JPH1: variants seen among roughly 807,000 people sequenced by gnomAD.
The protein encoded by JPH1 is junctophilin-1.
JPH1 carries 12 observed loss-of-function variants against 53.6 expected under a neutral mutation model. That is an observed-to-expected ratio of 0.22 (90% CI 0.14 to 0.36). JPH1 has a LOEUF of 0.36. Among genes scored for constraint, JPH1 ranks in the 10% least tolerant of loss-of-function variants. The pLI is 1.00. For synonymous variants in JPH1, 375 were observed against 363.8 expected (o/e 1.03, Z -0.35); for missense variants, 808 against 905.5 (o/e 0.89, Z 1.38).
At chr8:74,300,141 T>C (rs1356547150) in intron 2 of JPH1, among the ~76,000 whole-genome samples, 2 of 152,214 alleles carry the variant, frequency 1.3e-5, no homozygotes, top group Non-Finnish European at 2.9e-5. Flanking sequence ...CACAGTACCA[T>C]GAAAAACAAC....
chr8:74,244,478 G>T (rs749665612), intron 4 of JPH1, 51 bp downstream of exon 4: 1 of 1,539,326 alleles, frequency 6.5e-7, no homozygotes, highest in Admixed American at 2.0e-5. Flanking sequence ...ACAGCTCGCT[G>T]AAAGAAACAA....
At chr8:74,285,998 A>G (rs1807153949) in intron 2 of JPH1, among the ~76,000 whole-genome samples, 1 of 152,226 alleles carries the variant, frequency 6.6e-6, no homozygotes, top group South Asian at 2.1e-4. Context: ...TGTATCATTT[A>G]TGCAAAAAAT....
chr8:74,319,244 T>C (rs1016075606), intron 1 of JPH1, among the ~76,000 whole-genome samples: 5 of 152,180 alleles, frequency 3.3e-5, no homozygotes, highest in Admixed American at 2.0e-4. Context: ...AAGGAGACGA[T>C]TTTTAACCTT....
chr8:74,255,773 CA>C (rs977487905), intron 3 of JPH1, among the ~76,000 whole-genome samples: 48 of 152,142 alleles, frequency 3.2e-4, no homozygotes, highest in Non-Finnish European at 5.6e-4. Flanking sequence ...TTTATGCAGC[CA>C]AAAAACACAT....
At chr8:74,293,945 T>G (rs1185788048) in intron 2 of JPH1, among the ~76,000 whole-genome samples, 1 of 152,166 alleles carries the variant, frequency 6.6e-6, no homozygotes, top group African/African-American at 2.4e-5. Flanking sequence ...GCCCCTAGGT[T>G]GGGCATGGGG....
intron 4 of JPH1, among the ~76,000 whole-genome samples, chr8:74,244,042 GAGA>G (rs1334166720): frequency 1.3e-5 from 2 of 152,226 alleles, no homozygotes; most frequent in African/African-American, 2.4e-5. Context: ...ACGTATGTAT[GAGA>G]AGAATTCACA....
intron 3 of JPH1, among the ~76,000 whole-genome samples, chr8:74,251,150 C>G (rs549985333): frequency 8.5e-5 from 13 of 152,302 alleles, no homozygotes; most frequent in Non-Finnish European, 1.8e-4. Flanking sequence ...ATAATAGAAA[C>G]GTCCTTGCCA....
chr8:74,272,918 G>C (rs1302903914), intron 2 of JPH1, among the ~76,000 whole-genome samples: 1 of 149,620 alleles, frequency 6.7e-6, no homozygotes, highest in Non-Finnish European at 1.5e-5. Context: ...CCTTAGTTCT[G>C]AGATACTACA....
chr8:74,247,831 T>C (rs932658036), intron 3 of JPH1, among the ~76,000 whole-genome samples: 4 of 152,192 alleles, frequency 2.6e-5, no homozygotes, highest in Non-Finnish European at 5.9e-5. Flanking sequence ...TATTAAGAAA[T>C]TGTAACATCA....
intron 2 of JPH1, among the ~76,000 whole-genome samples, chr8:74,285,188 C>T (rs1807127529): frequency 6.6e-6 from 1 of 151,962 alleles, no homozygotes; most frequent in African/African-American, 2.4e-5. Context: ...TTGTAAAGAG[C>T]CTTACACTCA....
At chr8:74,286,078 C>T (rs1379417192) in intron 2 of JPH1, among the ~76,000 whole-genome samples, 2 of 152,148 alleles carry the variant, frequency 1.3e-5, no homozygotes, top group African/African-American at 2.4e-5. Flanking sequence ...ATTTAAAATA[C>T]ATCCTGTTAA....
chr8:74,253,391 C>T (rs1806124613), intron 3 of JPH1, among the ~76,000 whole-genome samples: 1 of 152,086 alleles, frequency 6.6e-6, no homozygotes, highest in Non-Finnish European at 1.5e-5. Flanking sequence ...ACATTCAAAG[C>T]AGTGTGTAGA....
At chr8:74,290,439 C>T (rs1255974075) in intron 2 of JPH1, among the ~76,000 whole-genome samples, 3 of 152,284 alleles carry the variant, frequency 2.0e-5, no homozygotes, top group Middle Eastern at 3.4e-3. Flanking sequence ...TGAAGGACCT[C>T]TTCAAGAAGA....
In JPH1 at chr8:74,321,171, C is replaced by A. The variant is rs781011898; in HGVS notation, c.117G>T (p.Ser39=). 5 of 1,613,384 alleles carry A rather than the reference C, an allele frequency of 3.1e-6. No individual in the cohort carries two copies. Among genetic ancestry groups the A allele is most frequent in the Non-Finnish European group, 4.2e-6 (5 of 1,179,806 alleles). ...CTGPKGQGEY[S]GSWSHGFEVV... ...CCTCGAAGCCGTGCGACCAGGAGCC[C>A]GAGTACTCGCCCTGGCCCTTGGGCC... The change falls in exon 1 of 6, where the codon TCG becomes TCT. Residue 39 remains serine (S), a synonymous_variant. Coordinates refer to ENST00000342232, the MANE Select transcript of JPH1 (RefSeq NM_020647.4). The surrounding 1 kb of genome is among the most constrained non-coding windows in gnomAD (Gnocchi z 4.3).
At position 74,315,160 on chromosome 8, in the gene JPH1, G is replaced by A. The variant is rs1367398967; in HGVS notation, c.840C>T (p.Thr280=). 1.2e-6 allele frequency: 2 copies of A among 1,614,250 alleles called. No homozygotes were observed. The highest frequency in any genetic ancestry group is 2.2e-5 in the South Asian group (2 of 91,090). Reference sequence around the variant, plus strand: ...TGTCGTTCTTCCACTCGCCCATGTAGGTTTCCGTGGTGGTGGCGTCCACGT... The same window carrying A: ...TGTCGTTCTTCCACTCGCCCATGTAAGTTTCCGTGGTGGTGGCGTCCACGT... ...EDHVDATTTE[T]YMGEWKNDKR... is the part of the protein sequence containing the mutation. The change falls in exon 2 of 6, where the codon ACC becomes ACT. Residue 280 remains threonine, a synonymous_variant. Transcript: ENST00000342232. The surrounding 1 kb of genome is among the most constrained non-coding windows in gnomAD (Gnocchi z 6.3).
intron 4 of JPH1, among the ~76,000 whole-genome samples, chr8:74,238,584 T>C (rs918513427): frequency 1.3e-5 from 2 of 152,214 alleles, no homozygotes; most frequent in African/African-American, 4.8e-5. Context: ...ACACGTGACA[T>C]TGCCCAATTC....
chr8:74,316,492 T>C (rs1808162631), intron 1 of JPH1, among the ~76,000 whole-genome samples: 1 of 152,232 alleles, frequency 6.6e-6, no homozygotes. Flanking sequence ...TCCTCTGGTC[T>C]GTGTTTGTGG....
At chr8:74,284,829 CT>C (rs201080994) in intron 2 of JPH1, among the ~76,000 whole-genome samples, 123 of 122,056 alleles carry the variant, frequency 1.0e-3, no homozygotes, top group Admixed American at 1.2e-3. Context: ...TTCTTTCTTT[CT>C]TTTTTTTTTT....
rs1331847686 is a variant in JPH1, at chr8:74,234,759, T to C, written c.*2292A>G. On this transcript the variant is annotated 3_prime_UTR_variant, in exon 6 of 6. Coordinates refer to ENST00000342232, the MANE Select transcript of JPH1 (RefSeq NM_020647.4). ...ATACAGTTGTGAAAACTGTACATTA[T>C]ACATTTTGGTTTCAAGAATTATAAA... The C allele has an allele frequency of 6.6e-6, 1 of 152,648 alleles. No individual in the cohort carries two copies. Among genetic ancestry groups the C allele is most frequent in the Non-Finnish European group, 1.5e-5 (1 of 68,046 alleles). 9.5% of individuals were successfully genotyped at this position (152,648 alleles called of 1,614,324 possible).
Sources: allele counts gnomAD v4.1 joint callset (sites outside exome capture counted in the v4.1 genomes callset), GRCh38; gene constraint gnomAD v4.1.1; non-coding constraint Gnocchi (gnomAD v3.1); transcripts MANE v1.5; gene names NCBI Gene and HGNC (gene_info 2026-07-23, HGNC 2026-07-21).